MEGF10: variants seen among roughly 807,000 people sequenced by gnomAD.
MEGF10 encodes the protein multiple epidermal growth factor-like domains protein 10.
In MEGF10, 86 loss-of-function variants were observed where a neutral mutation model predicts 147.5. That is an observed-to-expected ratio of 0.58 (90% CI 0.49 to 0.70). MEGF10 has a LOEUF of 0.70. MEGF10 is among the 30% of genes least tolerant of loss of function. The pLI is 0.00. For synonymous variants in MEGF10, 478 were observed against 525.5 expected (o/e 0.91, Z 1.24); for missense variants, 1,329 against 1,487.3 (o/e 0.89, Z 1.75).
chr5:127,302,152 G>C (rs1759800011), intron 1 of MEGF10, among the ~76,000 whole-genome samples: 1 of 152,110 alleles, frequency 6.6e-6, no homozygotes, highest in Non-Finnish European at 1.5e-5. Context: ...ACAATGTCTT[G>C]TGTACAAATG....
intron 19 of MEGF10, chr5:127,444,405 C>T (rs1209108733): frequency 6.6e-6 from 1 of 152,208 alleles, no homozygotes; most frequent in South Asian, 2.1e-4. Context: ...AATCTCACTA[C>T]ATTATCCTTG....
chr5:127,455,896 C>T (rs572978111), intron 24 of MEGF10, among the ~76,000 whole-genome samples: 57 of 152,164 alleles, frequency 3.7e-4, no homozygotes, highest in African/African-American at 1.3e-3. Context: ...CGCACTACCA[C>T]GCCCAGCTAA....
chr5:127,410,399 G>T lies in MEGF10; in HGVS notation c.928G>T (p.Glu310Ter). 1.9e-6 allele frequency: 3 copies of T among 1,614,210 alleles called. No individual in the cohort carries two copies. Among genetic ancestry groups the T allele is most frequent in the South Asian group, 1.1e-5 (1 of 91,068 alleles). The stretch of plus-strand genomic sequence containing the variant: ...CCTCTTGCTTGGTAGGTGCCAGGAT[G>T]AGTGTCCTGTTGGGACCTATGGCGT... ...PGYTGERCQDECPVGTYGVLC... is the reference protein window; with the variant it reads ...PGYTGERCQD The change falls in exon 9 of 25, where the codon GAG becomes TAG. Residue 310 changes from glutamate to a stop codon, truncating the protein, a stop_gained. Coordinates refer to ENST00000503335, the MANE Select transcript of MEGF10 (RefSeq NM_001256545.2). LOFTEE classifies it high-confidence loss of function.
chr5:127,410,836 C>T lies in MEGF10; in HGVS notation c.1130+235C>T, dbSNP rs565147712. 2.6e-5 allele frequency among the ~76,000 whole-genome samples: 4 copies of T among 152,344 alleles called. No individual in the cohort carries two copies. In the South Asian group the frequency reaches 6.2e-4, roughly 24 times the overall value. On this transcript the variant is annotated intron_variant, in intron 9 of 24. Transcript: ENST00000503335. ...TTACTGGTGGATAGCAAATTCTATT[C>T]TCTATTAATGACCACTGATAAAAAC...
chr5:127,318,302 A>G (rs945776313), intron 1 of MEGF10, among the ~76,000 whole-genome samples: 1 of 152,202 alleles, frequency 6.6e-6, no homozygotes, highest in Non-Finnish European at 1.5e-5. Flanking sequence ...ACTAGGTTGT[A>G]GCAGCCTGAC....
chr5:127,405,610 T>G (rs1290824606), intron 8 of MEGF10, among the ~76,000 whole-genome samples: 1 of 152,142 alleles, frequency 6.6e-6, no homozygotes, highest in East Asian at 1.9e-4. Context: ...TTTCATTTCC[T>G]TGAATTATTG....
At chr5:127,310,068 CTCTT>C (rs1302150983) in intron 1 of MEGF10, among the ~76,000 whole-genome samples, 10 of 121,186 alleles carry the variant, frequency 8.3e-5, no homozygotes, top group Admixed American at 1.8e-4. Flanking sequence ...CTTTCTTTCT[CTCTT>C]TCTTTCTTTC....
chr5:127,415,896 CAAAAAAAAAAAAAA>C (rs1156648076), intron 9 of MEGF10, among the ~76,000 whole-genome samples: 1 of 55,578 alleles, frequency 1.8e-5, no homozygotes, highest in Admixed American at 2.2e-4. Context: ...GACTCCATCT[CAAAAAAAAAAAAAA>C]AAAAAAAGAA....
intron 14 of MEGF10, among the ~76,000 whole-genome samples, chr5:127,434,258 CTG>C (rs1765481484): frequency 6.6e-6 from 1 of 152,044 alleles, no homozygotes; most frequent in South Asian, 2.1e-4. Flanking sequence ...CAAATTTTGA[CTG>C]TTGATCGATT....
At chr5:127,236,887 T>C in the MEGF10 span, among the ~76,000 whole-genome samples, 1 of 152,320 alleles carries the variant, frequency 6.6e-6, no homozygotes, top group African/African-American at 2.4e-5. Flanking sequence ...GACAGTCTCC[T>C]TGAGAGAACT....
At chr5:127,438,976 T>G (rs1765655527) in intron 17 of MEGF10, among the ~76,000 whole-genome samples, 1 of 152,166 alleles carries the variant, frequency 6.6e-6, no homozygotes, top group South Asian at 2.1e-4. Context: ...GTTCCGTGTT[T>G]TTCGAATGGT....
At chr5:127,361,285 T>C (rs1016803496) in intron 4 of MEGF10, among the ~76,000 whole-genome samples, 13 of 152,012 alleles carry the variant, frequency 8.6e-5, no homozygotes, top group African/African-American at 2.9e-4. Flanking sequence ...AGTTTCTTCA[T>C]TTCATCTAGG....
At chr5:127,272,744 T>A in the MEGF10 span, among the ~76,000 whole-genome samples, 1 of 152,204 alleles carries the variant, frequency 6.6e-6, no homozygotes, top group African/African-American at 2.4e-5. Context: ...GTTGTTGGTG[T>A]ATAGGAATGC....
At chr5:127,388,723 T>C (rs912876750) in intron 5 of MEGF10, among the ~76,000 whole-genome samples, 5 of 150,398 alleles carry the variant, frequency 3.3e-5, no homozygotes, top group Admixed American at 2.6e-4. Flanking sequence ...TTTTTTGTAT[T>C]TTTAGTAGAG....
the MEGF10 span, among the ~76,000 whole-genome samples, chr5:127,251,316 G>A: frequency 6.6e-6 from 1 of 152,068 alleles, no homozygotes; most frequent in African/African-American, 2.4e-5. Context: ...AAAGAGCACT[G>A]GATCTCAAGC....
intron 1 of MEGF10, among the ~76,000 whole-genome samples, chr5:127,310,277 CT>C (rs1344839275): frequency 4.6e-5 from 7 of 151,602 alleles, no homozygotes; most frequent in Admixed American, 4.6e-4. Context: ...TGTTTTGTTA[CT>C]GCTATGTTGT....
intron 1 of MEGF10, among the ~76,000 whole-genome samples, chr5:127,296,532 T>C (rs1187974833): frequency 1.3e-5 from 2 of 152,168 alleles, no homozygotes; most frequent in Non-Finnish European, 2.9e-5. Flanking sequence ...AAAAACATCT[T>C]ATCTTTGGGA....
At chr5:127,356,578 G>A (rs1345863833) in intron 4 of MEGF10, among the ~76,000 whole-genome samples, 2 of 152,160 alleles carry the variant, frequency 1.3e-5, no homozygotes, top group Non-Finnish European at 2.9e-5. Context: ...TCAAAGTAAT[G>A]TAGATTTAAG....
At chr5:127,396,405 G>T (rs1580812206) in intron 5 of MEGF10, 127 bp from the exon 6 acceptor site, 1 of 1,129,096 alleles carries the variant, frequency 8.9e-7, no homozygotes, top group East Asian at 2.6e-5. Context: ...CCATGGGTTG[G>T]GGCCAGGGCC....
Sources: allele counts gnomAD v4.1 joint callset (sites outside exome capture counted in the v4.1 genomes callset), GRCh38; gene constraint gnomAD v4.1.1; transcripts MANE v1.5; gene names NCBI Gene and HGNC (gene_info 2026-07-23, HGNC 2026-07-21).